Variants in SDK1 observed in about 807,000 individuals in gnomAD.
SDK1 encodes sidekick cell adhesion molecule 1.
A neutral mutation model predicts 245.5 loss-of-function variants in SDK1; 157 were observed. The observed-to-expected ratio is 0.64, with a 90% CI of 0.56 to 0.73. The LOEUF (loss-of-function observed/expected upper bound fraction) is 0.73. SDK1 is among the 30% of genes least tolerant of loss of function. The pLI is 0.00. For synonymous variants in SDK1, 1,647 were observed against 1,278.5 expected (o/e 1.29, Z -6.15); for missense variants, 3,583 against 3,002.3 (o/e 1.19, Z -4.52).
intron 4 of SDK1, among the ~76,000 whole-genome samples, chr7:3,722,755 G>T (rs1053923601): frequency 1.3e-5 from 2 of 152,162 alleles, no homozygotes; most frequent in East Asian, 1.9e-4. Flanking sequence ...GGACTCGCGC[G>T]GGTGGCTCAG....
chr7:3,415,447 T>C (rs1779335517), intron 1 of SDK1, among the ~76,000 whole-genome samples: 1 of 151,960 alleles, frequency 6.6e-6, no homozygotes, highest in Admixed American at 6.6e-5. Flanking sequence ...GTAGGTTAAA[T>C]GAGAAGTAGA....
intron 5 of SDK1, among the ~76,000 whole-genome samples, chr7:3,875,025 C>T (rs1297396315): frequency 6.6e-6 from 1 of 152,120 alleles, no homozygotes; most frequent in Non-Finnish European, 1.5e-5. Flanking sequence ...ATGTCCTGGT[C>T]TGTGGGGCTT....
intron 1 of SDK1, among the ~76,000 whole-genome samples, chr7:3,443,903 A>G (rs1369455143): frequency 3.3e-5 from 5 of 152,248 alleles, no homozygotes; most frequent in African/African-American, 1.2e-4. Context: ...CATGATGTCA[A>G]TATGACTGAA....
At chr7:3,842,364 G>C (rs145873015) in intron 5 of SDK1, among the ~76,000 whole-genome samples, 70 of 152,308 alleles carry the variant, frequency 4.6e-4, no homozygotes, top group African/African-American at 1.5e-3. Flanking sequence ...AGAAGTCACC[G>C]TACTGGCCTG....
intron 19 of SDK1, among the ~76,000 whole-genome samples, chr7:4,064,082 A>T (rs926285722): frequency 6.6e-6 from 1 of 152,226 alleles, no homozygotes; most frequent in Non-Finnish European, 1.5e-5. Context: ...GACAAATGGG[A>T]CTATATCAAA....
intron 4 of SDK1, among the ~76,000 whole-genome samples, chr7:3,668,863 C>G (rs971493435): frequency 1.3e-5 from 2 of 152,144 alleles, no homozygotes; most frequent in Non-Finnish European, 2.9e-5. Flanking sequence ...CCATTTTCAC[C>G]ATTGTGTCAC....
intron 30 of SDK1, among the ~76,000 whole-genome samples, chr7:4,152,300 C>T (rs1780438134): frequency 1.3e-5 from 2 of 152,202 alleles, no homozygotes. Context: ...GAAGGCACTC[C>T]TAGTGGCAGA....
At chr7:3,539,551 T>C (rs946041691) in intron 1 of SDK1, among the ~76,000 whole-genome samples, 1 of 152,106 alleles carries the variant, frequency 6.6e-6, no homozygotes, top group African/African-American at 2.4e-5. Flanking sequence ...TGCCTGGAGC[T>C]CAGTGGAGAT....
intron 1 of SDK1, among the ~76,000 whole-genome samples, chr7:3,595,379 C>T (rs1158548710): frequency 6.6e-6 from 1 of 152,020 alleles, no homozygotes; most frequent in East Asian, 1.9e-4. Flanking sequence ...TTAATAGCTA[C>T]TGCATGGATT....
chr7:3,607,953 G>A (rs989524088), intron 1 of SDK1, among the ~76,000 whole-genome samples: 2 of 152,238 alleles, frequency 1.3e-5, no homozygotes, highest in African/African-American at 2.4e-5. Flanking sequence ...TTTGCAGGGG[G>A]CGGCCACAAG....
At chr7:4,249,307 C>A (rs1240399348) in intron 44 of SDK1, among the ~76,000 whole-genome samples, 1 of 152,222 alleles carries the variant, frequency 6.6e-6, no homozygotes, top group Non-Finnish European at 1.5e-5. Flanking sequence ...AACTGGAAAT[C>A]CCACCTTCCC....
At chr7:3,892,931 C>T (rs1781497830) in intron 5 of SDK1, among the ~76,000 whole-genome samples, 1 of 152,194 alleles carries the variant, frequency 6.6e-6, no homozygotes, top group Non-Finnish European at 1.5e-5. Context: ...CCGTTCTGAT[C>T]TCTGCCAGCG....
chr7:3,446,748 C>T (rs1362366761), intron 1 of SDK1, among the ~76,000 whole-genome samples: 1 of 152,106 alleles, frequency 6.6e-6, no homozygotes, highest in Non-Finnish European at 1.5e-5. Context: ...AGTATCAAAT[C>T]AGTGGTACTG....
chr7:3,551,160 G>C (rs899669235), intron 1 of SDK1, among the ~76,000 whole-genome samples: 1 of 152,040 alleles, frequency 6.6e-6, no homozygotes, highest in Non-Finnish European at 1.5e-5. Flanking sequence ...AGTTTGTCAG[G>C]AGTTACAACC....
intron 1 of SDK1, among the ~76,000 whole-genome samples, chr7:3,500,432 T>A (rs1782160743): frequency 6.6e-6 from 1 of 152,212 alleles, no homozygotes; most frequent in South Asian, 2.1e-4. Flanking sequence ...GAATTCTTGG[T>A]GGGAAATAAT....
chr7:4,178,224 G>C (rs1454955516), intron 34 of SDK1, among the ~76,000 whole-genome samples: 1 of 152,216 alleles, frequency 6.6e-6, no homozygotes, highest in Admixed American at 6.5e-5. Context: ...TACTTTAGAG[G>C]AGGGAGCTCC....
intron 1 of SDK1, among the ~76,000 whole-genome samples, chr7:3,398,389 G>A (rs544423943): frequency 6.6e-6 from 1 of 152,082 alleles, no homozygotes; most frequent in African/African-American, 2.4e-5. Context: ...GAGTCCCTGG[G>A]CTGTGACCTT....
chr7:3,597,412 G>A (rs182251078), intron 1 of SDK1, among the ~76,000 whole-genome samples: 1 of 152,170 alleles, frequency 6.6e-6, no homozygotes, highest in East Asian at 1.9e-4. Flanking sequence ...TAAAGAGACT[G>A]AAACCTCAAA....
At chr7:3,676,914 T>G (rs1428416417) in intron 4 of SDK1, among the ~76,000 whole-genome samples, 2 of 152,160 alleles carry the variant, frequency 1.3e-5, no homozygotes, top group Admixed American at 6.5e-5. Context: ...TCTTAGGCCT[T>G]GTAGTATAGT....
Sources: gnomAD v4.1 joint callset for allele counts (sites outside exome capture counted in the v4.1 genomes callset) on GRCh38, gnomAD v4.1.1 for gene constraint, MANE v1.5 for transcripts, NCBI Gene and HGNC (gene_info 2026-07-23, HGNC 2026-07-21) for gene names.